Variants in MDGA2 observed in about 807,000 individuals in gnomAD.
The protein encoded by MDGA2 is MAM domain-containing glycosylphosphatidylinositol anchor protein 2.
In MDGA2, 40 loss-of-function variants were observed where a neutral mutation model predicts 117.8. The observed-to-expected ratio is 0.34, with a 90% CI of 0.26 to 0.44. The LOEUF (loss-of-function observed/expected upper bound fraction) is 0.44. Ranked by LOEUF, MDGA2 falls within the 20% of genes least tolerant of loss-of-function variation. The pLI is 1.00. For missense variants in MDGA2, 1,123 were observed against 1,250.6 expected, an observed-to-expected ratio of 0.90 and a Z score of 1.54; for synonymous variants, 452 against 439.0, an observed-to-expected ratio of 1.03 and a Z score of -0.37.
rs190529181 is a variant in MDGA2, at chr14:47,470,855, G to A, written c.281-169305C>T. Among the ~76,000 whole-genome samples the A allele has an allele frequency of 3.4e-4, 52 of 152,202 alleles. 1 individual carries two copies. The East Asian group carries it at 8.3e-3, about 24-fold the overall frequency. ...AATTGTCATCAATTAATGAAAGCAC[G>A]GAAGTGATGCTGATTTTATACTTAG... is the stretch of plus-strand genomic sequence containing the variant. On this transcript the variant is annotated intron_variant, in intron 1 of 16. Transcript: ENST00000399232.
At chr14:47,655,255 T>C (rs751603532) in intron 1 of MDGA2, among the ~76,000 whole-genome samples, 48 of 152,154 alleles carry the variant, frequency 3.2e-4, no homozygotes, top group African/African-American at 4.8e-4. Context: ...TACCTGGCAA[T>C]TGATCTAGCA....
intron 6 of MDGA2, among the ~76,000 whole-genome samples, chr14:47,062,328 A>G (rs1032578295): frequency 6.6e-6 from 1 of 151,998 alleles, no homozygotes; most frequent in Admixed American, 6.6e-5. Flanking sequence ...TTCCAGGTCT[A>G]AAGGCAGTGC....
At chr14:47,481,694 T>A (rs1446893343) in intron 1 of MDGA2, among the ~76,000 whole-genome samples, 1 of 151,948 alleles carries the variant, frequency 6.6e-6, no homozygotes, top group East Asian at 1.9e-4. Context: ...CCATCCTAGG[T>A]AGGAGGCATT....
Position 47,163,828 on chromosome 14 carries a change from G to A in MDGA2, c.596-19554C>T, listed in dbSNP as rs375576550. Among the ~76,000 whole-genome samples, 115 of 152,282 alleles carry A rather than the reference G, an allele frequency of 7.6e-4. No individual in the cohort carries two copies. The South Asian group carries it at 0.023, about 31-fold the overall frequency. ...TGGTGACAGTAGTGACAACAATGTT[G>A]TTTCCTGGGAAGCAGGAGCAATTGT... On this transcript the variant is annotated intron_variant, in intron 3 of 16. Transcript: ENST00000399232.
intron 1 of MDGA2, among the ~76,000 whole-genome samples, chr14:47,555,878 T>C (rs1341869976): frequency 6.6e-6 from 1 of 152,152 alleles, no homozygotes. Flanking sequence ...TTGTAAACCC[T>C]AAGAAAGCTC....
intron 1 of MDGA2, among the ~76,000 whole-genome samples, chr14:47,661,583 T>A (rs1269087377): frequency 1.3e-5 from 2 of 152,152 alleles, no homozygotes; most frequent in South Asian, 4.1e-4. Context: ...AAGACCTGAT[T>A]AATAGAACGG....
rs550222034 is a variant in MDGA2, at chr14:47,164,142, T to C, written c.596-19868A>G. ...CCAATTTTGAAATCTGCTGCTTGTA[T>C]GGAACAGTTTATTAAATGAGTATTA... is the stretch of plus-strand genomic sequence containing the variant. On this transcript the variant is annotated intron_variant, in intron 3 of 16. Coordinates refer to ENST00000399232, the MANE Select transcript of MDGA2 (RefSeq NM_001113498.3). 9.8e-5 allele frequency among the ~76,000 whole-genome samples: 15 copies of C among 152,378 alleles called. No individual in the cohort carries two copies. The South Asian group carries it at 3.1e-3, about 32-fold the overall frequency.
intron 8 of MDGA2, among the ~76,000 whole-genome samples, chr14:46,973,135 G>A (rs1466243116): frequency 6.6e-6 from 1 of 152,152 alleles, no homozygotes; most frequent in Admixed American, 6.5e-5. Flanking sequence ...CAAGGATGTA[G>A]AGCAATGTGA....
At chr14:47,599,674 A>G (rs1025912578) in intron 1 of MDGA2, among the ~76,000 whole-genome samples, 2 of 152,164 alleles carry the variant, frequency 1.3e-5, no homozygotes, top group Admixed American at 6.5e-5. Context: ...ATTTTTAAAA[A>G]TAAGTGTGTC....
At chr14:47,206,617 C>T (rs1002299919) in intron 3 of MDGA2, among the ~76,000 whole-genome samples, 5 of 151,828 alleles carry the variant, frequency 3.3e-5, no homozygotes, top group South Asian at 2.1e-4. Context: ...GGGCTGGGTG[C>T]GGTGGCTCAC....
intron 6 of MDGA2, among the ~76,000 whole-genome samples, chr14:47,065,472 T>C (rs1890046361): frequency 6.6e-6 from 1 of 152,166 alleles, no homozygotes. Flanking sequence ...TCCTGTTATG[T>C]AAAACTAGAT....
intron 1 of MDGA2, among the ~76,000 whole-genome samples, chr14:47,540,563 T>TATATATATATATATATACACACAC (rs370481455): frequency 3.6e-5 from 4 of 112,538 alleles, no homozygotes; most frequent in South Asian, 4.7e-4. Context: ...TGTATATATA[T>TATATATATATATATATACACACAC]ACACACACAC....
intron 1 of MDGA2, among the ~76,000 whole-genome samples, chr14:47,554,162 G>A (rs1015422455): frequency 6.6e-6 from 1 of 152,152 alleles, no homozygotes; most frequent in Non-Finnish European, 1.5e-5. Flanking sequence ...GATTTGGGCT[G>A]TGTTCCTTTC....
intron 10 of MDGA2, among the ~76,000 whole-genome samples, chr14:46,890,205 T>A (rs1449669492): frequency 6.6e-6 from 1 of 152,088 alleles, no homozygotes; most frequent in African/African-American, 2.4e-5. Context: ...TTGCTTGGAC[T>A]TTATACAATC....
At chr14:47,235,782 A>G (rs1886838681) in intron 2 of MDGA2, among the ~76,000 whole-genome samples, 1 of 152,104 alleles carries the variant, frequency 6.6e-6, no homozygotes, top group Non-Finnish European at 1.5e-5. Context: ...ATAATAAATT[A>G]TCTGTCTTAT....
At chr14:47,124,778 C>T (rs1270754609) in intron 5 of MDGA2, among the ~76,000 whole-genome samples, 1 of 152,002 alleles carries the variant, frequency 6.6e-6, no homozygotes, top group African/African-American at 2.4e-5. Flanking sequence ...TCTCTCTTTC[C>T]CTCCATGAAT....
At chr14:47,310,115 A>G (rs1889587730) in intron 1 of MDGA2, among the ~76,000 whole-genome samples, 1 of 152,126 alleles carries the variant, frequency 6.6e-6, no homozygotes, top group Non-Finnish European at 1.5e-5. Flanking sequence ...TTTCATGAAG[A>G]TTTACACATT....
At chr14:47,497,219 A>C (rs1894300205) in intron 1 of MDGA2, among the ~76,000 whole-genome samples, 1 of 152,156 alleles carries the variant, frequency 6.6e-6, no homozygotes, top group South Asian at 2.1e-4. Context: ...AAAAATGTTC[A>C]TTGAGAATGA....
At position 46,943,752 on chromosome 14, in the gene MDGA2, G is replaced by A. The variant is rs368407332; in HGVS notation, c.2089+13622C>T. 1.2e-3 allele frequency among the ~76,000 whole-genome samples: 177 copies of A among 152,108 alleles called. 1 individual carries two copies. Among genetic ancestry groups the A allele is most frequent in the African/African-American group, 4.1e-3 (170 of 41,546 alleles). On this transcript the variant is annotated intron_variant, in intron 9 of 16. Transcript: ENST00000399232. ...GCTGTGAACCCTAAATTACAATGTT[G>A]TTATTTTTTCTTCAAACTGGAGATT... is the stretch of plus-strand genomic sequence containing the variant.
Sources: gnomAD v4.1 joint callset for allele counts (sites outside exome capture counted in the v4.1 genomes callset) on GRCh38, gnomAD v4.1.1 for gene constraint, MANE v1.5 for transcripts, NCBI Gene and HGNC (gene_info 2026-07-23, HGNC 2026-07-21) for gene names.